ANO6: variants seen among roughly 807,000 people sequenced by gnomAD.
ANO6 encodes anoctamin 6, also known as anoctamin-6.
ANO6 carries 106 observed loss-of-function variants against 117.5 expected under a neutral mutation model. That is an observed-to-expected ratio of 0.90 (90% CI 0.77 to 1.06). ANO6 has a LOEUF of 1.06. Among genes scored for constraint, ANO6 ranks in the 50% least tolerant of loss-of-function variants. The probability of loss-of-function intolerance (pLI) is 0.00; values close to 1 mark genes in which losing one functional copy is unlikely to be tolerated. For synonymous variants in ANO6, 367 were observed against 385.1 expected, an observed-to-expected ratio of 0.95 and a Z score of 0.55; for missense variants, 955 against 1,121.1, an observed-to-expected ratio of 0.85 and a Z score of 2.12.
chr12:45,411,545 T>C (rs73281588), intron 16 of ANO6, among the ~76,000 whole-genome samples: 2,051 of 152,320 alleles, frequency 0.013, 40 homozygotes, highest in African/African-American at 0.047. Flanking sequence ...GAAATAAACA[T>C]TGAGTGCCTT....
chr12:45,364,484 G>T (rs1218884864), intron 8 of ANO6, among the ~76,000 whole-genome samples: 1 of 151,988 alleles, frequency 6.6e-6, no homozygotes, highest in Non-Finnish European at 1.5e-5. Context: ...GTGTTCCTTT[G>T]TCCTCATTCC....
chr12:45,336,924 C>T (rs1391144441), intron 3 of ANO6, among the ~76,000 whole-genome samples: 1 of 151,998 alleles, frequency 6.6e-6, no homozygotes, highest in Admixed American at 6.6e-5. Flanking sequence ...TCCAGTGAGA[C>T]AAGATGTGGA....
intron 11 of ANO6, among the ~76,000 whole-genome samples, chr12:45,390,208 A>AT (rs1429296074): frequency 1.3e-5 from 2 of 152,214 alleles, no homozygotes; most frequent in Non-Finnish European, 2.9e-5. Flanking sequence ...TCATGCTTGC[A>AT]TTTTCCAAAA....
intron 19 of ANO6, among the ~76,000 whole-genome samples, chr12:45,439,106 G>A (rs1943740883): frequency 6.6e-6 from 1 of 152,196 alleles, no homozygotes; most frequent in South Asian, 2.1e-4. Context: ...TGGCTAGTCA[G>A]AAGTCCTGAT....
Position 45,378,064 on chromosome 12 carries a change from C to T in ANO6, c.1116C>T (p.Ile372=). 1 of 1,610,958 alleles carries T rather than the reference C, an allele frequency of 6.2e-7. No homozygotes were observed. The highest frequency in any genetic ancestry group is 2.2e-5 in the East Asian group (1 of 44,758). Residue 372 remains isoleucine (I), a synonymous_variant, in exon 10 of 20, where the codon ATC becomes ATT. Transcript: ENST00000320560. ...ITCESSKKLC[I]FDSFGTLVFA... ...TTTATATTTTCCAGAAATTGTGCAT[C>T]TTCGACAGTTTTGGAACCCTGGTCT...
chr12:45,348,567 G>C lies in ANO6; in HGVS notation c.683G>C (p.Ser228Thr), dbSNP rs1256329336. The change falls in exon 6 of 20, where the codon AGC (serine) becomes ACC (threonine). Residue 228 changes from serine to threonine, a missense_variant. Coordinates refer to ENST00000320560, the MANE Select transcript of ANO6 (RefSeq NM_001025356.3). ...RVKYQVINNVSKFGINRLVNS... is the reference protein window; with the variant it reads ...RVKYQVINNVTKFGINRLVNS... ...AAGTATCAAGTGATAAACAATGTTA[G>C]CAAGTTTGGGATCAACAGACTTGTA... The C allele has an allele frequency of 1.9e-6, 3 of 1,613,854 alleles. No individual in the cohort carries two copies. The East Asian group carries it at 6.7e-5, about 36-fold the overall frequency.
chr12:45,421,371 T>C, intron 18 of ANO6, 98 bp downstream of exon 18: 1 of 1,249,134 alleles, frequency 8.0e-7, no homozygotes, highest in Non-Finnish European at 1.1e-6. Context: ...AATTTTTATT[T>C]CTTTATAACT....
intron 7 of ANO6, among the ~76,000 whole-genome samples, chr12:45,356,076 G>A (rs1479490798): frequency 6.6e-6 from 1 of 152,120 alleles, no homozygotes; most frequent in Non-Finnish European, 1.5e-5. Flanking sequence ...AACTGTACTT[G>A]ACCTTCCTTT....
At chr12:45,230,261 A>G (rs1947554780) in intron 1 of ANO6, among the ~76,000 whole-genome samples, 1 of 152,120 alleles carries the variant, frequency 6.6e-6, no homozygotes. Context: ...TGGGTAAATG[A>G]ATAAAAGATA....
Position 45,348,590 on chromosome 12 carries a change from G to C in ANO6, c.706G>C (p.Val236Leu). ...NVSKFGINRLVNSGIYKAAFP... is the reference protein window; with the variant it reads ...NVSKFGINRLLNSGIYKAAFP... ...TAGCAAGTTTGGGATCAACAGACTT[G>C]TAAACTCTGGGATCTACAAGGCAGC... The change falls in exon 6 of 20, where the codon GTA (valine) becomes CTA (leucine). Residue 236 changes from valine to leucine, a missense_variant. Transcript: ENST00000320560. 1 of 1,613,978 alleles carries C rather than the reference G, an allele frequency of 6.2e-7. No individual in the cohort carries two copies. The highest frequency in any genetic ancestry group is 8.5e-7 in the Non-Finnish European group (1 of 1,179,926).
intron 1 of ANO6, among the ~76,000 whole-genome samples, chr12:45,245,375 G>A (rs1947808946): frequency 6.6e-6 from 1 of 150,972 alleles, no homozygotes; most frequent in African/African-American, 2.4e-5. Context: ...AATATTGGAG[G>A]CATAAGACAT....
At chr12:45,278,873 G>T (rs1394780582) in intron 1 of ANO6, among the ~76,000 whole-genome samples, 1 of 152,178 alleles carries the variant, frequency 6.6e-6, no homozygotes, top group Non-Finnish European at 1.5e-5. Flanking sequence ...TTGGCTGTTT[G>T]TTTAGGAAAC....
chr12:45,399,792 A>C (rs1408890371), intron 12 of ANO6, among the ~76,000 whole-genome samples: 1 of 152,220 alleles, frequency 6.6e-6, no homozygotes, highest in Non-Finnish European at 1.5e-5. Flanking sequence ...TAGCAAAAGC[A>C]ATCAGTGTTC....
At chr12:45,315,708 C>T (rs189657548) in intron 2 of ANO6, among the ~76,000 whole-genome samples, 1 of 151,992 alleles carries the variant, frequency 6.6e-6, no homozygotes, top group Non-Finnish European at 1.5e-5. Flanking sequence ...ACATAGAAAC[C>T]TCAGGGACTT....
intron 1 of ANO6, among the ~76,000 whole-genome samples, chr12:45,230,650 A>G (rs1947560373): frequency 6.6e-6 from 1 of 152,028 alleles, no homozygotes; most frequent in Admixed American, 6.5e-5. Context: ...GGTAAGGTTC[A>G]TAATAGAATC....
intron 1 of ANO6, among the ~76,000 whole-genome samples, chr12:45,236,729 T>G (rs1947651316): frequency 6.6e-6 from 1 of 152,252 alleles, no homozygotes; most frequent in Non-Finnish European, 1.5e-5. Context: ...TTTATAATCC[T>G]TTGGGTATAT....
intron 1 of ANO6, among the ~76,000 whole-genome samples, chr12:45,277,350 T>G (rs1290533318): frequency 6.6e-6 from 1 of 152,244 alleles, no homozygotes; most frequent in African/African-American, 2.4e-5. Context: ...CCTCACACTT[T>G]TACCCAATTG....
At chr12:45,425,631 T>C (rs1943483024) in intron 19 of ANO6, among the ~76,000 whole-genome samples, 1 of 152,172 alleles carries the variant, frequency 6.6e-6, no homozygotes, top group Non-Finnish European at 1.5e-5. Flanking sequence ...ACAGCAGAAG[T>C]TTGAAATATT....
At position 45,337,073 on chromosome 12, in the gene ANO6, TAAAG is replaced by T. The variant is rs200412961; in HGVS notation, c.279+5657_279+5660del. 7.9e-5 allele frequency among the ~76,000 whole-genome samples: 12 copies of T among 152,170 alleles called. No homozygotes were observed. In the East Asian group the frequency reaches 2.3e-3, roughly 29 times the overall value. ...AAATATTTGCAATAGAATAAGGATA[TAAAG>T]AAAGAAGTTTTGTACAGCTGTAGAG... On this transcript the variant is annotated intron_variant, in intron 3 of 19. Coordinates refer to ENST00000320560, the MANE Select transcript of ANO6 (RefSeq NM_001025356.3).
Sources: gnomAD v4.1 joint callset for allele counts (sites outside exome capture counted in the v4.1 genomes callset) on GRCh38, gnomAD v4.1.1 for gene constraint, MANE v1.5 for transcripts, NCBI Gene and HGNC (gene_info 2026-07-23, HGNC 2026-07-21) for gene names.